The following CRIM1 variants were observed in gnomAD, a reference collection of about 807,000 sequenced individuals.
CRIM1 encodes cysteine-rich motor neuron 1 protein.
In CRIM1, 32 loss-of-function variants were observed where a neutral mutation model predicts 116.4. The observed-to-expected ratio is 0.27, with a 90% CI of 0.21 to 0.37. CRIM1 has a LOEUF of 0.37. CRIM1 is among the 10% of genes least tolerant of loss of function. The pLI is 1.00. For missense variants in CRIM1, 1,331 were observed against 1,354.8 expected (o/e 0.98, Z 0.28); for synonymous variants, 590 against 509.2 (o/e 1.16, Z -2.13).
chr2:36,504,072 C>A (rs937496798), intron 8 of CRIM1, among the ~76,000 whole-genome samples: 17 of 152,022 alleles, frequency 1.1e-4, no homozygotes, highest in Admixed American at 3.9e-4. Context: ...CAAGGTTTTG[C>A]CACATTGTCC....
At chr2:36,382,399 G>A (rs1670849915) in intron 1 of CRIM1, among the ~76,000 whole-genome samples, 1 of 152,258 alleles carries the variant, frequency 6.6e-6, no homozygotes, top group Non-Finnish European at 1.5e-5. Context: ...GAATCTCTCT[G>A]TGCTGAGTAA....
At chr2:36,470,004 A>C (rs560315573) in intron 5 of CRIM1, among the ~76,000 whole-genome samples, 1 of 152,228 alleles carries the variant, frequency 6.6e-6, no homozygotes, top group Non-Finnish European at 1.5e-5. Context: ...TTTTAGTCTT[A>C]TAGTATTTAA....
intron 7 of CRIM1, among the ~76,000 whole-genome samples, chr2:36,498,954 A>G (rs1233741947): frequency 1.3e-5 from 2 of 152,266 alleles, no homozygotes; most frequent in Non-Finnish European, 2.9e-5. Context: ...AGTGGTGACC[A>G]TCAGAGAAGA....
At chr2:36,510,211 T>C in intron 9 of CRIM1, 72 bp downstream of exon 9, 1 of 1,449,908 alleles carries the variant, frequency 6.9e-7, no homozygotes. Context: ...CATTTTGTTT[T>C]ATATGTTGTT....
intron 4 of CRIM1, among the ~76,000 whole-genome samples, chr2:36,464,222 A>G (rs575094970): frequency 3.7e-4 from 57 of 152,376 alleles, no homozygotes; most frequent in Admixed American, 3.3e-3. Context: ...TGAGTCAGCC[A>G]GAAAATGTTT....
intron 2 of CRIM1, among the ~76,000 whole-genome samples, chr2:36,434,498 G>A (rs779999897): frequency 2.6e-5 from 4 of 152,208 alleles, no homozygotes; most frequent in Non-Finnish European, 5.9e-5. Flanking sequence ...TGTGACCTTG[G>A]CCAAGTTTCT....
intron 2 of CRIM1, among the ~76,000 whole-genome samples, chr2:36,400,560 T>A (rs1015166836): frequency 2.6e-4 from 40 of 152,268 alleles, no homozygotes; most frequent in African/African-American, 9.1e-4. Flanking sequence ...GGAAGAATGA[T>A]CTTTAAGTAG....
chr2:36,472,837 A>T (rs748194195), intron 5 of CRIM1, among the ~76,000 whole-genome samples: 6 of 152,232 alleles, frequency 3.9e-5, no homozygotes, highest in African/African-American at 1.2e-4. Context: ...CTTATAGTGT[A>T]GCTGCACAAT....
At chr2:36,360,676 C>T (rs1400084736) in intron 1 of CRIM1, among the ~76,000 whole-genome samples, 1 of 152,126 alleles carries the variant, frequency 6.6e-6, no homozygotes, top group Non-Finnish European at 1.5e-5. Context: ...TATGCGGGAT[C>T]TGCTCCAGAA....
chr2:36,386,443 A>G (rs1038518785), intron 1 of CRIM1, among the ~76,000 whole-genome samples: 3 of 152,328 alleles, frequency 2.0e-5, no homozygotes, highest in South Asian at 2.1e-4. Context: ...ATATTTCACA[A>G]GTAGGAAGAC....
At chr2:36,506,860 A>G (rs1269859090) in intron 8 of CRIM1, among the ~76,000 whole-genome samples, 1 of 151,630 alleles carries the variant, frequency 6.6e-6, no homozygotes, top group Non-Finnish European at 1.5e-5. Context: ...GTTTTTATTT[A>G]TTTATTTTTT....
chr2:36,548,046 G>C (rs1667474131), intron 16 of CRIM1, among the ~76,000 whole-genome samples: 1 of 152,178 alleles, frequency 6.6e-6, no homozygotes, highest in Admixed American at 6.5e-5. Context: ...TGCTGGGTCA[G>C]GATACAGTTG....
At chr2:36,412,745 T>G (rs1673310381) in intron 2 of CRIM1, among the ~76,000 whole-genome samples, 1 of 152,200 alleles carries the variant, frequency 6.6e-6, no homozygotes, top group Admixed American at 6.5e-5. Context: ...TTTGATATCT[T>G]AAATTTGGTA....
intron 7 of CRIM1, among the ~76,000 whole-genome samples, chr2:36,480,175 G>A (rs949485687): frequency 6.6e-6 from 1 of 152,172 alleles, no homozygotes; most frequent in Non-Finnish European, 1.5e-5. Flanking sequence ...TATACCAATG[G>A]CTGTGGCTTT....
At chr2:36,379,775 A>G (rs544645740) in intron 1 of CRIM1, among the ~76,000 whole-genome samples, 17 of 142,550 alleles carry the variant, frequency 1.2e-4, no homozygotes, top group Admixed American at 2.1e-4. Context: ...AAAGAAAAGC[A>G]ATTGCTTAGA....
intron 7 of CRIM1, among the ~76,000 whole-genome samples, chr2:36,491,610 C>T (rs1326105841): frequency 6.6e-6 from 1 of 152,130 alleles, no homozygotes; most frequent in Non-Finnish European, 1.5e-5. Flanking sequence ...CCGTTTTGTT[C>T]ATTCATTGAG....
At chr2:36,413,043 C>T (rs914088899) in intron 2 of CRIM1, among the ~76,000 whole-genome samples, 9 of 152,146 alleles carry the variant, frequency 5.9e-5, no homozygotes, top group African/African-American at 2.2e-4. Context: ...GTGAAATGGG[C>T]TTACGAATGA....
At chr2:36,513,059 T>G (rs1457006732) in intron 10 of CRIM1, among the ~76,000 whole-genome samples, 2 of 152,184 alleles carry the variant, frequency 1.3e-5, no homozygotes, top group Non-Finnish European at 2.9e-5. Context: ...TAAACTTTGT[T>G]TTACGATTTT....
chr2:36,454,571 G>C lies in CRIM1; in HGVS notation c.870-9963G>C, dbSNP rs548438468. On this transcript the variant is annotated intron_variant, in intron 4 of 16. Transcript: ENST00000280527. ...CAGCTTGAGTATCAGCACAGAGGAA[G>C]TCAAAGGGTTGAATCACAGTTTGCA... Among the ~76,000 whole-genome samples the C allele has an allele frequency of 8.3e-4, 126 of 152,328 alleles. 1 individual carries two copies. The highest frequency in any genetic ancestry group is 2.9e-3 in the African/African-American group (121 of 41,572).
Sources: allele counts gnomAD v4.1 joint callset (sites outside exome capture counted in the v4.1 genomes callset), GRCh38; gene constraint gnomAD v4.1.1; transcripts MANE v1.5; gene names NCBI Gene and HGNC (gene_info 2026-07-23, HGNC 2026-07-21).